ASTN1: variants seen among roughly 807,000 people sequenced by gnomAD.
ASTN1 encodes the protein astrotactin-1.
In ASTN1, 41 loss-of-function variants were observed where a neutral mutation model predicts 140.7. That is an observed-to-expected ratio of 0.29 (90% CI 0.23 to 0.38). The LOEUF (loss-of-function observed/expected upper bound fraction) is 0.38, where lower values mean the gene tolerates loss of function less well. ASTN1 is among the 10% of genes least tolerant of loss of function. The probability of loss-of-function intolerance (pLI) is 1.00; values close to 1 mark genes in which losing one functional copy is unlikely to be tolerated. For missense variants in ASTN1, 1,479 were observed against 1,678.8 expected, an observed-to-expected ratio of 0.88 and a Z score of 2.08; for synonymous variants, 640 against 652.2, an observed-to-expected ratio of 0.98 and a Z score of 0.29.
intron 1 of ASTN1, among the ~76,000 whole-genome samples, chr1:177,079,865 C>T (rs912445175): frequency 2.0e-5 from 3 of 152,096 alleles, no homozygotes; most frequent in Admixed American, 6.6e-5. Flanking sequence ...GAATCCCACA[C>T]CAGGTCTCGT....
chr1:176,987,565 C>T (rs1440313255), intron 8 of ASTN1, among the ~76,000 whole-genome samples: 1 of 152,180 alleles, frequency 6.6e-6, no homozygotes, highest in African/African-American at 2.4e-5. Flanking sequence ...TCTACCCTCA[C>T]CCTCTCTGCC....
intron 16 of ASTN1, among the ~76,000 whole-genome samples, chr1:176,929,656 G>A (rs902558734): frequency 9.9e-5 from 15 of 152,196 alleles, no homozygotes; most frequent in African/African-American, 2.9e-4. Context: ...TGCTGAGAAG[G>A]CAGAAAGGAG....
intron 20 of ASTN1, among the ~76,000 whole-genome samples, chr1:176,877,946 T>A (rs1475298871): frequency 6.6e-6 from 1 of 152,104 alleles, no homozygotes; most frequent in Non-Finnish European, 1.5e-5. Context: ...TGGCAAGAAA[T>A]ATGCATTTCT....
chr1:176,923,989 T>C (rs1261279206), intron 16 of ASTN1, among the ~76,000 whole-genome samples: 1 of 152,170 alleles, frequency 6.6e-6, no homozygotes, highest in East Asian at 1.9e-4. Flanking sequence ...CAAGATAAAA[T>C]GCCTGGTAAA....
intron 1 of ASTN1, among the ~76,000 whole-genome samples, chr1:177,104,168 C>T (rs1481364769): frequency 6.6e-6 from 1 of 152,074 alleles, no homozygotes; most frequent in Non-Finnish European, 1.5e-5. Flanking sequence ...GCAAGTTCTC[C>T]CCAGCACAGA....
intron 1 of ASTN1, among the ~76,000 whole-genome samples, chr1:177,145,217 G>A (rs1468721356): frequency 6.6e-6 from 1 of 152,152 alleles, no homozygotes; most frequent in East Asian, 1.9e-4. Context: ...TCTTAAAGTA[G>A]CTCATACTTT....
chr1:177,149,159 T>C (rs1682865995), intron 1 of ASTN1, among the ~76,000 whole-genome samples: 1 of 119,862 alleles, frequency 8.3e-6, no homozygotes. Flanking sequence ...ATATATATAG[T>C]GTATATATAG....
intron 2 of ASTN1, among the ~76,000 whole-genome samples, chr1:177,056,872 G>A (rs1323743127): frequency 2.0e-5 from 3 of 152,110 alleles, no homozygotes; most frequent in Non-Finnish European, 4.4e-5. Context: ...GGTCTTCTAT[G>A]GAGTAAACCA....
rs75421245 is a variant in ASTN1, at chr1:176,954,392, T to C, written c.1887+3286A>G. ...GGGAAGAGTCATGTGCCAAGAAATC[T>C]GGGTGGACTCTAGAATCTGCAAAAG... On this transcript the variant is annotated intron_variant, in intron 11 of 22. Transcript: ENST00000361833. 8.2e-3 allele frequency among the ~76,000 whole-genome samples: 1,242 copies of C among 152,302 alleles called. 19 individuals are homozygous for C. Among genetic ancestry groups the C allele is most frequent in the African/African-American group, 0.028 (1,147 of 41,572 alleles).
chr1:177,118,148 C>A (rs1378094694), intron 1 of ASTN1, among the ~76,000 whole-genome samples: 1 of 152,058 alleles, frequency 6.6e-6, no homozygotes, highest in Admixed American at 6.6e-5. Flanking sequence ...TATTTATATT[C>A]CCACCACAGT....
At chr1:176,928,045 G>A (rs192560064) in intron 16 of ASTN1, among the ~76,000 whole-genome samples, 78 of 150,770 alleles carry the variant, frequency 5.2e-4, no homozygotes, top group African/African-American at 1.8e-3. Context: ...TTATATATAT[G>A]CACAAACTCA....
intron 14 of ASTN1, among the ~76,000 whole-genome samples, chr1:176,942,985 C>A (rs1671805396): frequency 6.6e-6 from 1 of 150,416 alleles, no homozygotes; most frequent in Non-Finnish European, 1.5e-5. Flanking sequence ...TCAACCTTGG[C>A]AAAATGAACT....
intron 4 of ASTN1, among the ~76,000 whole-genome samples, chr1:177,030,449 C>T (rs758679599): frequency 1.5e-4 from 23 of 152,128 alleles, no homozygotes; most frequent in Non-Finnish European, 2.6e-4. Flanking sequence ...ATGGTAAGTG[C>T]TGGACAGCAG....
At chr1:176,964,368 G>A (rs893138223) in intron 9 of ASTN1, among the ~76,000 whole-genome samples, 3 of 152,116 alleles carry the variant, frequency 2.0e-5, no homozygotes, top group Non-Finnish European at 2.9e-5. Context: ...ATGTATTCAC[G>A]CCCATACTGT....
At chr1:177,068,318 C>T (rs997635324) in intron 1 of ASTN1, among the ~76,000 whole-genome samples, 19 of 152,150 alleles carry the variant, frequency 1.2e-4, no homozygotes, top group African/African-American at 4.6e-4. Flanking sequence ...CTTAAAATTT[C>T]AAAAAGCTCT....
intron 7 of ASTN1, among the ~76,000 whole-genome samples, chr1:177,021,009 G>A (rs1286303992): frequency 6.6e-6 from 1 of 152,152 alleles, no homozygotes; most frequent in Non-Finnish European, 1.5e-5. Flanking sequence ...AAATAACGTC[G>A]ACTTGACTTG....
intron 2 of ASTN1, among the ~76,000 whole-genome samples, chr1:177,036,343 G>A (rs1450119680): frequency 2.0e-5 from 3 of 151,902 alleles, no homozygotes; most frequent in African/African-American, 7.3e-5. Context: ...CACCGTGCCC[G>A]GCCGACCTCA....
chr1:176,899,392 G>A (rs1434442202), intron 16 of ASTN1, among the ~76,000 whole-genome samples: 1 of 152,172 alleles, frequency 6.6e-6, no homozygotes, highest in Non-Finnish European at 1.5e-5. Flanking sequence ...TAACTGACAG[G>A]CCATGAGGTG....
At chr1:176,901,680 T>C (rs1216372989) in intron 16 of ASTN1, among the ~76,000 whole-genome samples, 2 of 152,222 alleles carry the variant, frequency 1.3e-5, no homozygotes, top group Admixed American at 6.5e-5. Context: ...GCAGTTTTGC[T>C]ATGCTGCCCA....
Sources: gnomAD v4.1 joint callset for allele counts (sites outside exome capture counted in the v4.1 genomes callset) on GRCh38, gnomAD v4.1.1 for gene constraint, MANE v1.5 for transcripts, NCBI Gene and HGNC (gene_info 2026-07-23, HGNC 2026-07-21) for gene names.